WDR62: variants seen among roughly 807,000 people sequenced by gnomAD.
WDR62 encodes the protein WD repeat domain 62, also known as WD repeat-containing protein 62.
In WDR62, 112 loss-of-function variants were observed where a neutral mutation model predicts 160.6. The observed-to-expected ratio is 0.70, with a 90% confidence interval of 0.60 to 0.82. The LOEUF (loss-of-function observed/expected upper bound fraction) is 0.82, where lower values mean the gene tolerates loss of function less well. WDR62 is among the 40% of genes least tolerant of loss of function. The pLI is 0.00. For synonymous variants in WDR62, 792 were observed against 815.1 expected (o/e 0.97, Z 0.48); for missense variants, 1,819 against 1,983.8 (o/e 0.92, Z 1.58).
chr19:36,102,834 C>G lies in WDR62; in HGVS notation c.3318C>G (p.Ser1106Arg). 1 of 1,614,212 alleles carries G rather than the reference C, an allele frequency of 6.2e-7. No individual in the cohort carries two copies. The highest frequency in any genetic ancestry group is 8.5e-7 in the Non-Finnish European group (1 of 1,180,034). Residue 1106 changes from serine (S) to arginine (R), a missense_variant, in exon 27 of 32, where the codon AGC (serine) becomes AGG (arginine). Around this residue, in one of 3 missense-constraint regions of WDR62, gnomAD observed 770 missense variants for 734.2 expected, o/e 1.05. Transcript: ENST00000401500. ...GTATCTCCACGCAGTTCCTCTCAAGCCTCCAGAAGGCATCCAGGTAGAAGC... is the reference window on the plus strand; with the variant it reads ...GTATCTCCACGCAGTTCCTCTCAAGGCTCCAGAAGGCATCCAGGTAGAAGC... Reference protein sequence around the residue: ...RLSISTQFLSSLQKASRFTHT... With the variant: ...RLSISTQFLSRLQKASRFTHT...
At chr19:36,063,253 GT>G (rs941465219) in intron 3 of WDR62, among the ~76,000 whole-genome samples, 1 of 140,822 alleles carries the variant, frequency 7.1e-6, no homozygotes, top group Non-Finnish European at 1.5e-5. Context: ...ACTTTTTTTT[GT>G]TTTTTTGTTT....
At chr19:36,060,188 C>A in intron 3 of WDR62, 158 bp downstream of exon 3, 1 of 758,824 alleles carries the variant, frequency 1.3e-6, no homozygotes. Context: ...GTTCCGTGTG[C>A]TGGGGACACA....
chr19:36,082,340 G>A (rs1362781888), intron 10 of WDR62, among the ~76,000 whole-genome samples: 1 of 152,238 alleles, frequency 6.6e-6, no homozygotes, highest in East Asian at 1.9e-4. Context: ...CCGCGGAAGG[G>A]ACAGCTAAGT....
intron 3 of WDR62, chr19:36,060,238 C>G: frequency 1.6e-6 from 1 of 611,156 alleles, no homozygotes; most frequent in South Asian, 1.9e-5. Context: ...CTGGCTAGAG[C>G]GAGACAGACT....
chr19:36,067,739 A>G, intron 6 of WDR62, 89 bp from the exon 7 acceptor site: 1 of 1,442,036 alleles, frequency 6.9e-7, no homozygotes, highest in Non-Finnish European at 9.7e-7. Context: ...AGCTTCTTAG[A>G]GTTCTCCTGT....
intron 9 of WDR62, chr19:36,074,170 C>A: frequency 5.0e-6 from 1 of 201,268 alleles, no homozygotes; most frequent in Non-Finnish European, 1.0e-5. Context: ...TGGTAGCACA[C>A]ACGTGTGGTC....
At chr19:36,102,648 G>A in intron 26 of WDR62, 89 bp from the exon 27 acceptor site, 2 of 1,140,272 alleles carry the variant, frequency 1.8e-6, no homozygotes, top group Middle Eastern at 4.0e-4. Flanking sequence ...AGGGTTTCTG[G>A]GGAGTGCCCC....
Position 36,067,866 on chromosome 19 carries a change from C to A in WDR62, c.738C>A (p.Ile246=), listed in dbSNP as rs866926643. Residue 246 remains isoleucine (I), a synonymous_variant, in exon 7 of 32, where the codon ATC becomes ATA. Transcript: ENST00000401500. The part of the protein sequence containing the change: ...STVPLVGRSG[I]LGELHNNIFC... ...TGCCCCTTGTAGGGCGCTCGGGCAT[C>A]CTGGGCGAGCTGCACAACAACATCT... 6.2e-7 allele frequency: 1 copy of A among 1,614,224 alleles called. No homozygotes were observed. Among genetic ancestry groups the A allele is most frequent in the Non-Finnish European group, 8.5e-7 (1 of 1,180,048 alleles).
intron 15 of WDR62, 131 bp downstream of exon 15, chr19:36,089,437 G>C (rs1253850760): frequency 2.7e-6 from 4 of 1,504,372 alleles, no homozygotes; most frequent in African/African-American, 1.4e-5. Flanking sequence ...GTTCCTTCTT[G>C]GTTTTTTTTT....
At chr19:36,096,345 C>T (rs1263176090) in intron 20 of WDR62, among the ~76,000 whole-genome samples, 1 of 152,168 alleles carries the variant, frequency 6.6e-6, no homozygotes, top group Non-Finnish European at 1.5e-5. Context: ...CTGAAGTATC[C>T]TCCCACCTCG....
Position 36,099,500 on chromosome 19 carries a change from G to A in WDR62, c.2622G>A (p.Lys874=), listed in dbSNP as rs1973193447. ...WAERAGQEPL[K]TILDAQDLDC... is the part of the protein sequence containing the mutation. ...AGCGGGCCGGCCAAGAGCCCCTCAA[G>A]ACCATCCTGGATGCCCAGGACCTGG... Residue 874 remains lysine, a synonymous_variant, in exon 22 of 32, where the codon AAG becomes AAA. Coordinates refer to ENST00000401500, the MANE Select transcript of WDR62 (RefSeq NM_001083961.2). 6.2e-7 allele frequency: 1 copy of A among 1,614,150 alleles called. No individual in the cohort carries two copies. Among genetic ancestry groups the A allele is most frequent in the Admixed American group, 1.7e-5 (1 of 60,024 alleles).
At chr19:36,096,881 TAA>T (rs1972999719) in intron 20 of WDR62, 144 bp from the exon 21 acceptor site, 1 of 753,358 alleles carries the variant, frequency 1.3e-6, no homozygotes, top group African/African-American at 1.7e-5. Flanking sequence ...TCCCACGGTT[TAA>T]GTTTGCATTT....
downstream of WDR62, chr19:36,105,174 T>C (rs1055751889): frequency 9.5e-6 from 10 of 1,050,236 alleles, no homozygotes; most frequent in Non-Finnish European, 1.1e-5. Flanking sequence ...GGAGGGAGGG[T>C]AGAAGGTGAT....
At chr19:36,086,637 A>G (rs1249041744) in intron 12 of WDR62, 50 bp from the exon 13 acceptor site, 2 of 1,567,102 alleles carry the variant, frequency 1.3e-6, no homozygotes, top group South Asian at 1.2e-5. Context: ...CTGGGAGGCC[A>G]GGGCACCCAC....
At chr19:36,073,582 C>T in intron 9 of WDR62, 51 bp downstream of exon 9, 2 of 1,474,116 alleles carry the variant, frequency 1.4e-6, no homozygotes, top group Non-Finnish European at 1.9e-6. Flanking sequence ...GCACAGTTCC[C>T]CACAGTTTGG....
At chr19:36,073,935 C>T (rs1186144158) in intron 9 of WDR62, 6 of 356,974 alleles carry the variant, frequency 1.7e-5, no homozygotes, top group Admixed American at 7.5e-5. Flanking sequence ...AGAGGCCCTG[C>T]GGCAGGAACA....
intron 16 of WDR62, 54 bp downstream of exon 16, chr19:36,090,574 G>C: frequency 6.5e-7 from 1 of 1,539,532 alleles, no homozygotes; most frequent in Non-Finnish European, 9.0e-7. Context: ...CACCTATTGT[G>C]ACGGCCCACA....
downstream of WDR62, among the ~76,000 whole-genome samples, chr19:36,106,028 TAAAAC>T (rs1211635461): frequency 1.3e-5 from 2 of 151,960 alleles, no homozygotes; most frequent in Non-Finnish European, 2.9e-5. Context: ...TAAAACAAAA[TAAAAC>T]AAGAAACCCA....
chr19:36,088,438 G>A (rs1428765551), intron 13 of WDR62, among the ~76,000 whole-genome samples: 1 of 152,250 alleles, frequency 6.6e-6, no homozygotes, highest in Non-Finnish European at 1.5e-5. Flanking sequence ...CGGACCGGAA[G>A]TTGAGGCTCA....
Sources: gnomAD v4.1 joint callset for allele counts (sites outside exome capture counted in the v4.1 genomes callset) on GRCh38, gnomAD v4.1.1 for gene constraint, gnomAD v4.1.1 regional missense constraint, MANE v1.5 for transcripts, NCBI Gene and HGNC (gene_info 2026-07-23, HGNC 2026-07-21) for gene names.